Variants in TF observed in about 807,000 individuals in gnomAD.
TF encodes transferrin.
Under a neutral mutation model 82.4 loss-of-function variants are expected in TF, and 55 were observed. The ratio of observed to expected loss-of-function variants is 0.67; its 90% CI spans 0.54 to 0.84. TF has a LOEUF of 0.84. Among genes scored for constraint, TF ranks in the 40% least tolerant of loss-of-function variants. The pLI is 0.00. For synonymous variants in TF, 332 were observed against 332.6 expected (o/e 1.00, Z 0.02); for missense variants, 737 against 868.4 (o/e 0.85, Z 1.90).
chr3:133,746,128 G>A (rs1933490371), upstream of TF: 2 of 486,284 alleles, frequency 4.1e-6, no homozygotes, highest in Non-Finnish European at 3.8e-6. Context: ...CGCCGTAGCC[G>A]CTCCTGGCAC....
At chr3:133,666,461 G>A in the TF span, among the ~76,000 whole-genome samples, 2 of 152,050 alleles carry the variant, frequency 1.3e-5, no homozygotes, top group Non-Finnish European at 2.9e-5. Flanking sequence ...ATGAGCCACC[G>A]CACCCGGCCT....
At chr3:133,711,292 T>C in the TF span, among the ~76,000 whole-genome samples, 1 of 152,216 alleles carries the variant, frequency 6.6e-6, no homozygotes, top group African/African-American at 2.4e-5. Context: ...TCTATCTCTG[T>C]GTTGATAATT....
At chr3:133,738,569 G>C in the TF span, among the ~76,000 whole-genome samples, 91 of 135,802 alleles carry the variant, frequency 6.7e-4, no homozygotes, top group Non-Finnish European at 1.3e-3. Context: ...AAACCCCATC[G>C]TCTCAGTCCA....
the TF span, among the ~76,000 whole-genome samples, chr3:133,723,719 C>T: frequency 3.3e-5 from 5 of 149,930 alleles, no homozygotes; most frequent in African/African-American, 4.9e-5. Flanking sequence ...AGGTTAGTTA[C>T]ATATGTATAC....
At chr3:133,674,519 C>A in the TF span, among the ~76,000 whole-genome samples, 1 of 152,236 alleles carries the variant, frequency 6.6e-6, no homozygotes, top group Non-Finnish European at 1.5e-5. Context: ...GCGAACCTTT[C>A]CCAAGAGGCG....
the TF span, among the ~76,000 whole-genome samples, chr3:133,684,500 AATAAAAAATGATAAAGGGGAT>A: frequency 6.6e-6 from 1 of 152,216 alleles, no homozygotes; most frequent in Non-Finnish European, 1.5e-5. Context: ...AAATAGATGT[AATAAAAAATGATAAAGGGGAT>A]ATCACCACCA....
At chr3:133,771,533 C>A (rs994070184) in intron 14 of TF, among the ~76,000 whole-genome samples, 14 of 151,302 alleles carry the variant, frequency 9.3e-5, no homozygotes, top group Admixed American at 6.6e-5. Context: ...GTCAGGAGAT[C>A]GAGACCATCC....
the TF span, among the ~76,000 whole-genome samples, chr3:133,730,716 A>G: frequency 4.6e-5 from 7 of 152,260 alleles, no homozygotes; most frequent in African/African-American, 1.7e-4. Flanking sequence ...AATAAAAGCC[A>G]GGAACTCTCA....
At chr3:133,768,196 A>G (rs1219124668) in intron 13 of TF, 32 bp downstream of exon 13, 2 of 1,613,694 alleles carry the variant, frequency 1.2e-6, no homozygotes, top group Admixed American at 1.7e-5. Context: ...CAAATAGAAT[A>G]ATATACAAGC....
At chr3:133,754,219 G>A (rs1044331568) in intron 3 of TF, 3 of 478,114 alleles carry the variant, frequency 6.3e-6, no homozygotes, top group South Asian at 2.1e-5. Flanking sequence ...AGGCAGACAC[G>A]CTGCAGGGCC....
At chr3:133,723,951 C>T in the TF span, among the ~76,000 whole-genome samples, 8 of 152,012 alleles carry the variant, frequency 5.3e-5, no homozygotes, top group African/African-American at 9.7e-5. Context: ...TGATGATTTC[C>T]AATTTCATCC....
the TF span, among the ~76,000 whole-genome samples, chr3:133,701,730 G>A: frequency 1.3e-5 from 2 of 152,188 alleles, no homozygotes; most frequent in African/African-American, 4.8e-5. Flanking sequence ...TCAGGAGCAG[G>A]GGGAAGCTCT....
chr3:133,787,184 T>C lies in TF; in HGVS notation c.*8564T>C, dbSNP rs904760830. ...TTTTGCAACATTTGGTCTCTAGATG[T>C]TTAAGAAGTTGCCAGTGTATGACAA... is the stretch of plus-strand genomic sequence containing the variant. On this transcript the variant is annotated 3_prime_UTR_variant, in exon 17 of 17. Transcript: ENST00000402696. 2.6e-5 allele frequency: 4 copies of C among 152,198 alleles called. No homozygotes were observed. The highest frequency in any genetic ancestry group is 9.7e-5 in the African/African-American group (4 of 41,446). The allele number at this position is 152,198 out of a possible 1,614,324, so 9.4% of individuals were successfully genotyped here.
the TF span, among the ~76,000 whole-genome samples, chr3:133,698,339 G>A: frequency 1.3e-5 from 2 of 152,176 alleles, no homozygotes; most frequent in African/African-American, 2.4e-5. Flanking sequence ...TTTCCATCCA[G>A]TAACACATCT....
rs1354492158 is a variant in TF, at chr3:133,787,567, A to G, written c.*8947A>G. 1.3e-5 allele frequency: 2 copies of G among 152,242 alleles called. No homozygotes were observed. Among genetic ancestry groups the G allele is most frequent in the Non-Finnish European group, 2.9e-5 (2 of 68,034 alleles). The allele number at this position is 152,242 out of a possible 1,614,324, so 9.4% of individuals were successfully genotyped here. On this transcript the variant is annotated 3_prime_UTR_variant, in exon 17 of 17. Transcript: ENST00000402696. The stretch of plus-strand genomic sequence containing the variant: ...TAGTATAATAACACTTTTTGTAAAT[A>G]GCTTTTAAAAACTGATGGGAAATAC...
chr3:133,769,616 C>G (rs977313191), intron 13 of TF, among the ~76,000 whole-genome samples: 1 of 152,182 alleles, frequency 6.6e-6, no homozygotes, highest in Non-Finnish European at 1.5e-5. Flanking sequence ...GTCTTCTCAG[C>G]TAGCTACCCC....
chr3:133,789,891 T>G lies in TF; in HGVS notation c.*11271T>G, dbSNP rs1177113740. On this transcript the variant is annotated 3_prime_UTR_variant, in exon 17 of 17. Coordinates refer to ENST00000402696, the MANE Select transcript of TF (RefSeq NM_001063.4). ...CGATCTCGTTTGCGTTTTTTTTTTTTTTTTTTTTTTTTTTTTTGACAAATG... is the reference window on the plus strand; with the variant it reads ...CGATCTCGTTTGCGTTTTTTTTTTTGTTTTTTTTTTTTTTTTTGACAAATG... The G allele has an allele frequency of 2.8e-5, 3 of 108,848 alleles. No homozygotes were observed. Among genetic ancestry groups the G allele is most frequent in the Non-Finnish European group, 6.4e-5 (3 of 46,790 alleles). The allele number at this position is 108,848 out of a possible 1,614,324, so 6.7% of individuals were successfully genotyped here.
chr3:133,753,499 C>T (rs943457988), intron 2 of TF, 96 bp from the exon 3 acceptor site: 19 of 1,069,524 alleles, frequency 1.8e-5, no homozygotes, highest in Admixed American at 1.4e-4. Flanking sequence ...GCCCTGGGTC[C>T]GTGGAGTCCT....
the TF span, among the ~76,000 whole-genome samples, chr3:133,704,873 TATC>T: frequency 6.6e-6 from 1 of 152,198 alleles, no homozygotes; most frequent in Non-Finnish European, 1.5e-5. Flanking sequence ...GTTTCCCTAA[TATC>T]ATTGATTACA....
Sources: gnomAD v4.1 joint callset for allele counts (sites outside exome capture counted in the v4.1 genomes callset) on GRCh38, gnomAD v4.1.1 for gene constraint, MANE v1.5 for transcripts, NCBI Gene and HGNC (gene_info 2026-07-23, HGNC 2026-07-21) for gene names.